The following GADL1 variants were observed in gnomAD, a reference collection of about 807,000 sequenced individuals.
The protein encoded by GADL1 is GAD like acidic amino acid decarboxylase 1.
Under a neutral mutation model 69.5 loss-of-function variants are expected in GADL1, and 71 were observed. The observed-to-expected ratio is 1.02, with a 90% confidence interval of 0.84 to 1.25. GADL1 has a LOEUF of 1.25. Ranked by LOEUF, GADL1 falls within the 50% of genes most tolerant of loss-of-function variation. GADL1 has a pLI of 0.00. For missense variants in GADL1, 737 were observed against 631.8 expected (o/e 1.17, Z -1.79); for synonymous variants, 254 against 214.4 (o/e 1.18, Z -1.62).
intron 14 of GADL1, among the ~76,000 whole-genome samples, chr3:30,747,414 G>T (rs564667005): frequency 6.6e-6 from 1 of 150,616 alleles, no homozygotes; most frequent in East Asian, 1.9e-4. Context: ...GAATACTAGA[G>T]AAGGAAGGGT....
At chr3:30,812,858 G>A (rs910037560) in intron 11 of GADL1, among the ~76,000 whole-genome samples, 1 of 152,046 alleles carries the variant, frequency 6.6e-6, no homozygotes, top group African/African-American at 2.4e-5. Flanking sequence ...TGGTAGGATT[G>A]GGAGGAGGAC....
At chr3:30,892,248 T>A (rs1265235585) in intron 1 of GADL1, among the ~76,000 whole-genome samples, 5 of 152,246 alleles carry the variant, frequency 3.3e-5, no homozygotes, top group Admixed American at 6.5e-5. Flanking sequence ...GGATTCCCTA[T>A]GGTATTCTTC....
At chr3:30,755,598 TGA>T (rs1221112820) in intron 14 of GADL1, among the ~76,000 whole-genome samples, 2 of 145,722 alleles carry the variant, frequency 1.4e-5, no homozygotes, top group African/African-American at 2.6e-5. Context: ...TGTGTGTGTG[TGA>T]CAGTTGTAGA....
chr3:30,740,107 C>T (rs906535775), intron 14 of GADL1, among the ~76,000 whole-genome samples: 7 of 152,114 alleles, frequency 4.6e-5, no homozygotes, highest in African/African-American at 1.7e-4. Context: ...GAGGGGCTCC[C>T]ACAAGGGGTA....
At chr3:30,764,913 A>C (rs1225471699) in intron 14 of GADL1, among the ~76,000 whole-genome samples, 1 of 141,794 alleles carries the variant, frequency 7.1e-6, no homozygotes, top group Non-Finnish European at 1.5e-5. Flanking sequence ...AGGCACTACC[A>C]TTTCTAGAAC....
At chr3:30,786,220 G>C (rs1696785443) in intron 13 of GADL1, 135 bp downstream of exon 13, 2 of 671,120 alleles carry the variant, frequency 3.0e-6, no homozygotes, top group Non-Finnish European at 5.3e-6. Flanking sequence ...TAACATAATA[G>C]ACTATGAATT....
intron 1 of GADL1, among the ~76,000 whole-genome samples, chr3:30,881,157 T>C (rs1698635924): frequency 6.6e-6 from 1 of 151,990 alleles, no homozygotes; most frequent in South Asian, 2.1e-4. Context: ...TAAAATATTA[T>C]CAGCTTTTCC....
chr3:30,863,883 T>C (rs1027085974), intron 1 of GADL1, among the ~76,000 whole-genome samples: 2 of 152,024 alleles, frequency 1.3e-5, no homozygotes, highest in Admixed American at 6.6e-5. Flanking sequence ...CAAACACAAA[T>C]GGTGTCTATG....
chr3:30,810,959 G>A (rs894133914), intron 11 of GADL1, among the ~76,000 whole-genome samples: 7 of 152,140 alleles, frequency 4.6e-5, no homozygotes, highest in Admixed American at 6.5e-5. Context: ...ACTGCTAAGA[G>A]CTCACAGGCA....
intron 9 of GADL1, among the ~76,000 whole-genome samples, 197 bp from the exon 10 acceptor site, chr3:30,834,478 G>A (rs1002637632): frequency 2.0e-5 from 3 of 151,988 alleles, no homozygotes; most frequent in Non-Finnish European, 4.4e-5. Context: ...CAATAGATGG[G>A]CCCTCACTGA....
At chr3:30,834,066 G>T (rs922217223) in intron 10 of GADL1, 132 bp from the exon 11 acceptor site, 1 of 907,538 alleles carries the variant, frequency 1.1e-6, no homozygotes, top group Non-Finnish European at 1.8e-6. Flanking sequence ...CTCCTTATCT[G>T]AGTGGTTTAA....
chr3:30,868,317 G>T (rs758302388), intron 1 of GADL1, among the ~76,000 whole-genome samples: 5 of 152,012 alleles, frequency 3.3e-5, no homozygotes, highest in African/African-American at 4.8e-5. Context: ...CTTATAAAAT[G>T]AGGCATCTCA....
rs906212943 is a variant in GADL1, at chr3:30,728,009, C to A, written c.*233G>T. 1.7e-5 allele frequency: 7 copies of A among 413,192 alleles called. No homozygotes were observed. In the Admixed American group the frequency reaches 2.7e-4, roughly 16 times the overall value. 25.6% of individuals were successfully genotyped at this position (413,192 alleles called of 1,614,324 possible). On this transcript the variant is annotated 3_prime_UTR_variant, in exon 15 of 15. Transcript: ENST00000282538. ...TTCAGAGCTGTGTTCCAGGGGCATT[C>A]CTTGAGAAAATCATTTTTTTTTTTA... is the stretch of plus-strand genomic sequence containing the variant.
intron 1 of GADL1, among the ~76,000 whole-genome samples, chr3:30,892,836 T>C (rs1698802612): frequency 6.6e-6 from 1 of 152,204 alleles, no homozygotes; most frequent in Non-Finnish European, 1.5e-5. Flanking sequence ...CAATCCATTC[T>C]CAAATAGCCA....
At chr3:30,760,586 T>C (rs1269287733) in intron 14 of GADL1, among the ~76,000 whole-genome samples, 2 of 152,214 alleles carry the variant, frequency 1.3e-5, no homozygotes, top group East Asian at 1.9e-4. Context: ...ACACAAAATC[T>C]GTTATCTTCC....
At chr3:30,888,503 T>C (rs1255750027) in intron 1 of GADL1, among the ~76,000 whole-genome samples, 1 of 152,172 alleles carries the variant, frequency 6.6e-6, no homozygotes, top group African/African-American at 2.4e-5. Flanking sequence ...CCAAAATCCC[T>C]GAGTGTCAGC....
intron 14 of GADL1, among the ~76,000 whole-genome samples, chr3:30,759,569 G>A (rs1214110605): frequency 6.6e-6 from 1 of 152,216 alleles, no homozygotes; most frequent in East Asian, 1.9e-4. Context: ...ACTGTGGTAA[G>A]CTAAAGCCTA....
chr3:30,743,161 A>C (rs1695651543), intron 14 of GADL1, among the ~76,000 whole-genome samples: 2 of 152,098 alleles, frequency 1.3e-5, no homozygotes, highest in South Asian at 4.1e-4. Context: ...AGTTTGAGAG[A>C]GTATCTTTAA....
At chr3:30,737,222 T>C (rs1451147991) in intron 14 of GADL1, among the ~76,000 whole-genome samples, 2 of 152,154 alleles carry the variant, frequency 1.3e-5, no homozygotes, top group Admixed American at 6.6e-5. Flanking sequence ...AATGATGATC[T>C]CTTACTTAGG....
Sources: gnomAD v4.1 joint callset for allele counts (sites outside exome capture counted in the v4.1 genomes callset) on GRCh38, gnomAD v4.1.1 for gene constraint, MANE v1.5 for transcripts, NCBI Gene and HGNC (gene_info 2026-07-23, HGNC 2026-07-21) for gene names.